Variants in ATG7 observed in about 807,000 individuals in gnomAD.
ATG7 encodes the protein autophagy related 7.
ATG7 carries 70 observed loss-of-function variants against 82.4 expected under a neutral mutation model. That is an observed-to-expected ratio of 0.85 (90% CI 0.70 to 1.04). ATG7 has a LOEUF of 1.04. Ranked by LOEUF, ATG7 falls within the 50% of genes least tolerant of loss-of-function variation. The probability of loss-of-function intolerance (pLI) is 0.00; values close to 1 mark genes in which losing one functional copy is unlikely to be tolerated. For missense variants in ATG7, 792 were observed against 864.3 expected (o/e 0.92, Z 1.05); for synonymous variants, 287 against 313.0 (o/e 0.92, Z 0.88).
At chr3:11,567,065 G>A in the ATG7 span, among the ~76,000 whole-genome samples, 1 of 152,012 alleles carries the variant, frequency 6.6e-6, no homozygotes, top group Non-Finnish European at 1.5e-5. Context: ...GGCTGAGCAG[G>A]AGAAGCACCA....
At chr3:11,338,297 T>C (rs1952877163) in intron 11 of ATG7, among the ~76,000 whole-genome samples, 1 of 152,238 alleles carries the variant, frequency 6.6e-6, no homozygotes, top group Non-Finnish European at 1.5e-5. Context: ...TCGTTCTTTT[T>C]TTATGGCTGC....
chr3:11,466,073 A>G (rs912364451), intron 20 of ATG7, among the ~76,000 whole-genome samples: 13 of 152,186 alleles, frequency 8.5e-5, no homozygotes, highest in Non-Finnish European at 1.6e-4. Context: ...TTTAGAACCT[A>G]AAGTCTGCGG....
At chr3:11,548,754 G>A (rs2071508875) in intron 20 of ATG7, among the ~76,000 whole-genome samples, 1 of 152,002 alleles carries the variant, frequency 6.6e-6, no homozygotes, top group African/African-American at 2.4e-5. Context: ...TGCATCAAAT[G>A]GTTTAGTCAG....
At chr3:11,465,077 T>C (rs1027373613) in intron 20 of ATG7, among the ~76,000 whole-genome samples, 1 of 111,152 alleles carries the variant, frequency 9.0e-6, no homozygotes, top group African/African-American at 3.5e-5. Context: ...AATCAATCTC[T>C]AAAAACCTAA....
chr3:11,321,205 C>T lies in ATG7; in HGVS notation c.678+5712C>T, dbSNP rs374850934. Among the ~76,000 whole-genome samples the T allele has an allele frequency of 2.7e-3, 410 of 152,326 alleles. 1 individual carries two copies. The highest frequency in any genetic ancestry group is 9.3e-3 in the African/African-American group (387 of 41,564). On this transcript the variant is annotated intron_variant, in intron 9 of 20. Coordinates refer to ENST00000693202, the MANE Select transcript of ATG7 (RefSeq NM_001349232.2). ...GCTTGGAGGAAGATGAAGGAAAAGA[C>T]AGGAGTTAGCCTGCCTAGTGGGGAG...
chr3:11,554,352 C>G (rs1559834943), intron 20 of ATG7, among the ~76,000 whole-genome samples: 1 of 152,174 alleles, frequency 6.6e-6, no homozygotes. Flanking sequence ...TTAGAGGGAA[C>G]ATGGAGCAGG....
chr3:11,540,907 T>TGG (rs1230126956), intron 20 of ATG7, among the ~76,000 whole-genome samples: 52 of 34,250 alleles, frequency 1.5e-3, no homozygotes, highest in African/African-American at 3.2e-3. Flanking sequence ...TAGCTTTTTT[T>TGG]GGGGGGGGGA....
At chr3:11,515,247 G>T (rs912572610) in intron 20 of ATG7, among the ~76,000 whole-genome samples, 1 of 152,094 alleles carries the variant, frequency 6.6e-6, no homozygotes, top group Non-Finnish European at 1.5e-5. Flanking sequence ...GTGTGTTCAT[G>T]TCTCAACTGA....
chr3:11,519,170 A>C (rs973469486), intron 20 of ATG7, among the ~76,000 whole-genome samples: 2 of 152,176 alleles, frequency 1.3e-5, no homozygotes, highest in African/African-American at 4.8e-5. Context: ...TTTATCTTTA[A>C]AAAACAATTT....
chr3:11,503,034 G>C (rs2091454966), intron 20 of ATG7, among the ~76,000 whole-genome samples: 3 of 152,156 alleles, frequency 2.0e-5, no homozygotes, highest in African/African-American at 7.2e-5. Flanking sequence ...CAGATACAGG[G>C]GTATCCAAGC....
chr3:11,526,993 GTATATTAAATTACTA>G, intron 20 of ATG7, among the ~76,000 whole-genome samples: 1 of 147,656 alleles, frequency 6.8e-6, no homozygotes, highest in East Asian at 2.0e-4. Flanking sequence ...TAATAGTGTG[GTATATTAAATTACTA>G]TATATATAGT....
At chr3:11,420,993 G>A (rs944525794) in intron 19 of ATG7, among the ~76,000 whole-genome samples, 3 of 152,004 alleles carry the variant, frequency 2.0e-5, no homozygotes, top group Non-Finnish European at 2.9e-5. Flanking sequence ...CTGACCTCGT[G>A]ATCCGCCTGC....
intron 20 of ATG7, among the ~76,000 whole-genome samples, chr3:11,432,649 TA>T (rs924163715): frequency 1.2e-3 from 184 of 150,688 alleles, no homozygotes; most frequent in African/African-American, 4.2e-3. Context: ...ACTATTGAAA[TA>T]AAAAAAAAGA....
chr3:11,564,851 G>C, the ATG7 span: 1 of 1,605,696 alleles, frequency 6.2e-7, no homozygotes, highest in East Asian at 2.2e-5. Context: ...GCCTGCTGGC[G>C]TCCAGGCTGT....
chr3:11,466,389 C>T (rs1358278391), intron 20 of ATG7, among the ~76,000 whole-genome samples: 1 of 152,194 alleles, frequency 6.6e-6, no homozygotes, highest in Admixed American at 6.5e-5. Flanking sequence ...TTTGTGTCCA[C>T]GTCATATTGC....
At position 11,554,800 on chromosome 3, in the gene ATG7, TCTC is replaced by T. The variant is rs767816189; in HGVS notation, c.2080-9_2080-7del. 6.2e-7 allele frequency: 1 copy of T among 1,613,168 alleles called. No homozygotes were observed. The highest frequency in any genetic ancestry group is 1.7e-5 in the Admixed American group (1 of 59,956). ...GACATCTCGGCTGAGCCTCTCCCCT[TCTC>T]CATGCAGATCTGGGACATGAGCGAT... On this transcript the variant is annotated splice_polypyrimidine_tract_variant and splice_region_variant and intron_variant, in intron 20 of 20. Coordinates refer to ENST00000693202, the MANE Select transcript of ATG7 (RefSeq NM_001349232.2).
intron 19 of ATG7, among the ~76,000 whole-genome samples, chr3:11,405,703 G>C (rs559068803): frequency 6.6e-6 from 1 of 151,584 alleles, no homozygotes; most frequent in Non-Finnish European, 1.5e-5. Flanking sequence ...TCATGGCTCA[G>C]TGCAGCCTCA....
chr3:11,487,338 T>G, intron 20 of ATG7, among the ~76,000 whole-genome samples: 3 of 44,140 alleles, frequency 6.8e-5, no homozygotes, highest in South Asian at 6.0e-4. Flanking sequence ...CCGTTCTCAA[T>G]GAGCTGTTGG....
At chr3:11,476,489 A>G (rs1335605548) in intron 20 of ATG7, among the ~76,000 whole-genome samples, 1 of 151,576 alleles carries the variant, frequency 6.6e-6, no homozygotes, top group East Asian at 1.9e-4. Flanking sequence ...AACCATTTCA[A>G]TTAGAACCTT....
Sources: gnomAD v4.1 joint callset for allele counts (sites outside exome capture counted in the v4.1 genomes callset) on GRCh38, gnomAD v4.1.1 for gene constraint, MANE v1.5 for transcripts, NCBI Gene and HGNC (gene_info 2026-07-23, HGNC 2026-07-21) for gene names.